The following GRIN3A variants were observed in gnomAD, a reference collection of about 807,000 sequenced individuals.
The protein encoded by GRIN3A is glutamate receptor ionotropic, NMDA 3A.
GRIN3A carries 47 observed loss-of-function variants against 92.4 expected under a neutral mutation model. That is an observed-to-expected ratio of 0.51 (90% CI 0.40 to 0.65). The LOEUF is 0.65. Among genes scored for constraint, GRIN3A ranks in the 30% least tolerant of loss-of-function variants. The pLI, the probability that GRIN3A is intolerant of heterozygous loss-of-function variation, is 0.00. For synonymous variants in GRIN3A, 527 were observed against 540.6 expected (o/e 0.97, Z 0.35); for missense variants, 1,324 against 1,393.1 (o/e 0.95, Z 0.79).
chr9:101,648,934 G>T (rs1316980603), intron 3 of GRIN3A, among the ~76,000 whole-genome samples: 1 of 151,892 alleles, frequency 6.6e-6, no homozygotes, highest in Non-Finnish European at 1.5e-5. Flanking sequence ...AGAACTTATA[G>T]TGAGCACTGG....
intron 2 of GRIN3A, among the ~76,000 whole-genome samples, chr9:101,683,881 CGA>C (rs1341879073): frequency 6.4e-5 from 7 of 109,682 alleles, no homozygotes; most frequent in East Asian, 2.5e-4. Flanking sequence ...AGAGAGAGAG[CGA>C]GAGAGAAAGA....
intron 6 of GRIN3A, among the ~76,000 whole-genome samples, chr9:101,590,063 G>C (rs2118804728): frequency 6.6e-6 from 1 of 152,166 alleles, no homozygotes; most frequent in South Asian, 2.1e-4. Context: ...AACATTGTGA[G>C]AACAAACACC....
At chr9:101,578,682 C>T (rs1032592760) in intron 7 of GRIN3A, among the ~76,000 whole-genome samples, 2 of 152,170 alleles carry the variant, frequency 1.3e-5, no homozygotes, top group African/African-American at 2.4e-5. Flanking sequence ...TTTCAGTTCT[C>T]CCTGTAAATC....
At chr9:101,613,016 A>G (rs1828387681) in intron 6 of GRIN3A, among the ~76,000 whole-genome samples, 1 of 152,260 alleles carries the variant, frequency 6.6e-6, no homozygotes, top group Non-Finnish European at 1.5e-5. Context: ...TTTGAAGTAC[A>G]CATCATGTCC....
intron 3 of GRIN3A, among the ~76,000 whole-genome samples, chr9:101,646,942 A>G (rs950119000): frequency 5.3e-5 from 8 of 151,822 alleles, no homozygotes; most frequent in Admixed American, 3.3e-4. Context: ...ATCTGTGAAA[A>G]AGGATAATTT....
intron 3 of GRIN3A, among the ~76,000 whole-genome samples, chr9:101,641,752 C>T (rs1173922926): frequency 6.7e-5 from 10 of 149,622 alleles, no homozygotes; most frequent in East Asian, 2.0e-4. Context: ...GCACATTGTG[C>T]ACATGTACCC....
intron 2 of GRIN3A, among the ~76,000 whole-genome samples, chr9:101,686,070 A>T (rs1829529854): frequency 6.6e-6 from 1 of 152,076 alleles, no homozygotes; most frequent in South Asian, 2.1e-4. Context: ...AAGGCCAGGG[A>T]GGAGGGAGAA....
intron 6 of GRIN3A, chr9:101,591,608 G>A (rs1373574887): frequency 2.0e-5 from 3 of 152,134 alleles, no homozygotes; most frequent in Admixed American, 6.6e-5. Context: ...CAAAAGTTAT[G>A]GGACAATTGC....
intron 6 of GRIN3A, among the ~76,000 whole-genome samples, chr9:101,581,099 A>G (rs1275349375): frequency 6.6e-6 from 1 of 152,218 alleles, no homozygotes; most frequent in Non-Finnish European, 1.5e-5. Context: ...GAAGGAAGTT[A>G]TATCTTTCCT....
intron 8 of GRIN3A, among the ~76,000 whole-genome samples, chr9:101,574,740 A>G (rs578140794): frequency 6.6e-6 from 1 of 152,306 alleles, no homozygotes; most frequent in South Asian, 2.1e-4. Flanking sequence ...GGGCAACAGA[A>G]AGTGGCAGAC....
intron 6 of GRIN3A, among the ~76,000 whole-genome samples, chr9:101,598,789 C>T (rs977409079): frequency 1.4e-4 from 21 of 152,282 alleles, no homozygotes; most frequent in Admixed American, 6.5e-4. Context: ...GCTGCTCACA[C>T]GCTATACCAG....
chr9:101,696,442 T>C (rs1321523901), intron 1 of GRIN3A, among the ~76,000 whole-genome samples: 1 of 152,200 alleles, frequency 6.6e-6, no homozygotes, highest in Non-Finnish European at 1.5e-5. Context: ...CTGTATATCA[T>C]AAAGAGTAAG....
intron 1 of GRIN3A, among the ~76,000 whole-genome samples, chr9:101,708,059 T>C (rs566482000): frequency 6.6e-6 from 1 of 152,244 alleles, no homozygotes; most frequent in South Asian, 2.1e-4. Flanking sequence ...AAGCACCACA[T>C]ATGTAATAGA....
At chr9:101,678,690 A>C (rs1207407380) in intron 2 of GRIN3A, among the ~76,000 whole-genome samples, 1 of 152,118 alleles carries the variant, frequency 6.6e-6, no homozygotes, top group Non-Finnish European at 1.5e-5. Flanking sequence ...GAACAATACT[A>C]ATCTATGTGG....
chr9:101,675,168 C>T (rs556819451), intron 2 of GRIN3A, among the ~76,000 whole-genome samples: 62 of 152,002 alleles, frequency 4.1e-4, no homozygotes, highest in African/African-American at 1.3e-3. Flanking sequence ...TTCAGGTATT[C>T]ATCTTTTTTA....
chr9:101,622,582 A>G (rs2118867870), intron 5 of GRIN3A, among the ~76,000 whole-genome samples: 1 of 152,258 alleles, frequency 6.6e-6, no homozygotes, highest in East Asian at 1.9e-4. Flanking sequence ...AAGACCTGAG[A>G]TCCCAAACAA....
chr9:101,707,552 G>C (rs370309858), intron 1 of GRIN3A, among the ~76,000 whole-genome samples: 1 of 152,016 alleles, frequency 6.6e-6, no homozygotes, highest in East Asian at 1.9e-4. Flanking sequence ...ATATAGAGGG[G>C]GGTCATATTA....
chr9:101,652,447 AGT>A (rs1294359026), intron 3 of GRIN3A, among the ~76,000 whole-genome samples: 2 of 151,968 alleles, frequency 1.3e-5, no homozygotes, highest in Non-Finnish European at 2.9e-5. Flanking sequence ...AAGAAAAAAG[AGT>A]GTGTTTGAGG....
rs1828582760 is a variant in GRIN3A, at chr9:101,623,324, T to C, written c.2608A>G (p.Ile870Val). The change falls in exon 5 of 9, where the codon ATA (isoleucine) becomes GTA (valine). Residue 870 changes from isoleucine (I) to valine (V), a missense_variant. Physicochemically the swap from Ile to Val is conservative, Grantham distance 29. Coordinates refer to ENST00000361820, the MANE Select transcript of GRIN3A (RefSeq NM_133445.3). The part of the protein sequence containing the change: ...KLLTVGKPFA[I>V]EGYGIGLPPN... ...AAGAGTGACTGATTAATACCTTCTA[T>C]GGCAAATGGCTTCCCCACAGTGAGA... is the stretch of plus-strand genomic sequence containing the variant. The C allele has an allele frequency of 1.2e-6, 2 of 1,604,088 alleles. No homozygotes were observed. The highest frequency in any genetic ancestry group is 1.1e-5 in the South Asian group (1 of 90,868).
Sources: gnomAD v4.1 joint callset for allele counts (sites outside exome capture counted in the v4.1 genomes callset) on GRCh38, gnomAD v4.1.1 for gene constraint, MANE v1.5 for transcripts, NCBI Gene and HGNC (gene_info 2026-07-23, HGNC 2026-07-21) for gene names.